Variants in ROBO1 observed in about 807,000 individuals in gnomAD.
ROBO1 encodes the protein roundabout guidance receptor 1.
Under a neutral mutation model 195.9 loss-of-function variants are expected in ROBO1, and 149 were observed. The observed-to-expected ratio is 0.76, with a 90% CI of 0.67 to 0.87. ROBO1 has a LOEUF of 0.87. Ranked by LOEUF, ROBO1 falls within the 40% of genes least tolerant of loss-of-function variation. ROBO1 has a pLI of 0.00. For synonymous variants in ROBO1, 816 were observed against 733.2 expected, an observed-to-expected ratio of 1.11 and a Z score of -1.82; for missense variants, 1,933 against 2,068.3, an observed-to-expected ratio of 0.93 and a Z score of 1.27.
At chr3:79,125,665 C>G (rs1005472029) in intron 2 of ROBO1, 126 bp from the exon 3 acceptor site, 1 of 702,902 alleles carries the variant, frequency 1.4e-6, no homozygotes, top group East Asian at 2.7e-5. Context: ...GGACAACACA[C>G]AGCACGCTTC....
At chr3:79,339,470 A>G (rs537333841) in intron 2 of ROBO1, among the ~76,000 whole-genome samples, 20 of 152,130 alleles carry the variant, frequency 1.3e-4, no homozygotes, top group African/African-American at 4.6e-4. Context: ...GTACCTCCAC[A>G]CTTACTCTTC....
At chr3:79,545,358 A>G (rs2107654062) in intron 2 of ROBO1, among the ~76,000 whole-genome samples, 1 of 152,272 alleles carries the variant, frequency 6.6e-6, no homozygotes, top group South Asian at 2.1e-4. Context: ...TGAGAATACC[A>G]TTTTCCATTT....
intron 4 of ROBO1, among the ~76,000 whole-genome samples, chr3:78,815,865 T>G (rs891785438): frequency 6.6e-6 from 1 of 152,204 alleles, no homozygotes; most frequent in African/African-American, 2.4e-5. Flanking sequence ...GTGTCATTCA[T>G]GAGGGTTGAA....
chr3:78,902,771 C>A (rs931784325), intron 4 of ROBO1, among the ~76,000 whole-genome samples: 1 of 152,050 alleles, frequency 6.6e-6, no homozygotes, highest in Non-Finnish European at 1.5e-5. Context: ...TTGAACCCAG[C>A]AGGCGGAGAC....
At chr3:79,194,967 G>A (rs2081607405) in intron 2 of ROBO1, among the ~76,000 whole-genome samples, 1 of 151,648 alleles carries the variant, frequency 6.6e-6, no homozygotes, top group Non-Finnish European at 1.5e-5. Flanking sequence ...AGAGGGCAAT[G>A]CAGTGCTAAA....
intron 4 of ROBO1, among the ~76,000 whole-genome samples, chr3:78,901,349 T>C (rs777709981): frequency 1.3e-5 from 2 of 152,180 alleles, no homozygotes; most frequent in Non-Finnish European, 1.5e-5. Context: ...AAAGTTCACT[T>C]AGATTAGAGA....
chr3:78,754,880 T>A (rs1031487230), intron 4 of ROBO1, among the ~76,000 whole-genome samples: 25 of 152,086 alleles, frequency 1.6e-4, no homozygotes, highest in Non-Finnish European at 3.1e-4. Flanking sequence ...GTAAAACTTA[T>A]CCTCGGGAAG....
intron 2 of ROBO1, among the ~76,000 whole-genome samples, chr3:79,253,824 A>G (rs2082776597): frequency 6.6e-6 from 1 of 152,222 alleles, no homozygotes; most frequent in Non-Finnish European, 1.5e-5. Context: ...CATTCTGACT[A>G]TAACTGAGTA....
At chr3:78,752,516 T>C (rs2082823136) in intron 4 of ROBO1, among the ~76,000 whole-genome samples, 1 of 152,182 alleles carries the variant, frequency 6.6e-6, no homozygotes, top group African/African-American at 2.4e-5. Context: ...CTTCTATAAC[T>C]ATTTTCAGTC....
At chr3:79,565,141 A>T (rs1220165286) in intron 2 of ROBO1, among the ~76,000 whole-genome samples, 1 of 152,156 alleles carries the variant, frequency 6.6e-6, no homozygotes, top group African/African-American at 2.4e-5. Flanking sequence ...ATAATGGCTT[A>T]GAATCATTGC....
At chr3:79,458,274 T>A (rs1242031305) in intron 2 of ROBO1, among the ~76,000 whole-genome samples, 1 of 152,150 alleles carries the variant, frequency 6.6e-6, no homozygotes, top group African/African-American at 2.4e-5. Context: ...AAGGTAGACC[T>A]CACAACAAGA....
chr3:79,440,296 CT>C (rs934620996), intron 2 of ROBO1, among the ~76,000 whole-genome samples: 47 of 152,126 alleles, frequency 3.1e-4, no homozygotes, highest in African/African-American at 5.1e-4. Flanking sequence ...CTCACCACCC[CT>C]ATCCCTCATT....
chr3:79,027,590 C>T (rs536755491), intron 3 of ROBO1, among the ~76,000 whole-genome samples: 23 of 152,036 alleles, frequency 1.5e-4, no homozygotes, highest in Admixed American at 5.2e-4. Flanking sequence ...ACAAACAGCT[C>T]TTGAAAACTG....
chr3:79,720,068 A>T (rs540225105), intron 1 of ROBO1, among the ~76,000 whole-genome samples: 2 of 152,330 alleles, frequency 1.3e-5, no homozygotes, highest in African/African-American at 4.8e-5. Flanking sequence ...TTGAAATTCT[A>T]TTAAGATAAT....
At chr3:79,487,083 T>G (rs1456059760) in intron 2 of ROBO1, among the ~76,000 whole-genome samples, 2 of 152,198 alleles carry the variant, frequency 1.3e-5, no homozygotes, top group Non-Finnish European at 2.9e-5. Flanking sequence ...AAAAGTGTAT[T>G]GTTCTTTGTT....
chr3:79,194,872 T>C (rs973396510), intron 2 of ROBO1, among the ~76,000 whole-genome samples: 1 of 151,606 alleles, frequency 6.6e-6, no homozygotes, highest in Non-Finnish European at 1.5e-5. Flanking sequence ...GGACAAATGT[T>C]CTGCCTCAAT....
chr3:79,197,205 T>C (rs1284444158), intron 2 of ROBO1, among the ~76,000 whole-genome samples: 1 of 151,618 alleles, frequency 6.6e-6, no homozygotes, highest in Non-Finnish European at 1.5e-5. Context: ...CCACCCCTGA[T>C]AGACCCTGGT....
intron 2 of ROBO1, among the ~76,000 whole-genome samples, chr3:79,181,595 C>G (rs2081340491): frequency 6.6e-6 from 1 of 152,066 alleles, no homozygotes; most frequent in Non-Finnish European, 1.5e-5. Flanking sequence ...AGTTGACAAT[C>G]CTATTGTAAA....
In ROBO1 at chr3:78,991,316, C is replaced by CA. The variant is rs1258262809; in HGVS notation, c.173-52390dup. On this transcript the variant is annotated intron_variant, in intron 3 of 30. Coordinates refer to ENST00000464233, the MANE Select transcript of ROBO1 (RefSeq NM_002941.4). ...TAGAGCTGCAGCTTAGAATCTGCTG[C>CA]AAAAAAGCTCTGGAAAATGTAGAAG... Among the ~76,000 whole-genome samples, 6 of 152,144 alleles carry CA rather than the reference C, an allele frequency of 3.9e-5. No individual in the cohort carries two copies. The East Asian group carries it at 7.8e-4, about 20-fold the overall frequency.
Sources: allele counts gnomAD v4.1 joint callset (sites outside exome capture counted in the v4.1 genomes callset), GRCh38; gene constraint gnomAD v4.1.1; transcripts MANE v1.5; gene names NCBI Gene and HGNC (gene_info 2026-07-23, HGNC 2026-07-21).